RCAN1: variants seen among roughly 807,000 people sequenced by gnomAD.
RCAN1 encodes calcipressin-1.
RCAN1 carries 11 observed loss-of-function variants against 22.9 expected under a neutral mutation model. The observed-to-expected ratio is 0.48, with a 90% CI of 0.30 to 0.79. RCAN1 has a LOEUF of 0.79. Among genes scored for constraint, RCAN1 ranks in the 30% least tolerant of loss-of-function variants. The pLI is 0.06. For missense variants in RCAN1, 291 were observed against 337.8 expected, an observed-to-expected ratio of 0.86 and a Z score of 1.09; for synonymous variants, 136 against 142.3, an observed-to-expected ratio of 0.96 and a Z score of 0.32.
rs144802557 is a variant in RCAN1, at chr21:34,606,833, G to T, written c.252+7927C>A. Among the ~76,000 whole-genome samples, 7 of 152,326 alleles carry T rather than the reference G, an allele frequency of 4.6e-5. No individual in the cohort carries two copies. The East Asian group carries it at 1.4e-3, about 29-fold the overall frequency. On this transcript the variant is annotated intron_variant, in intron 1 of 3. Coordinates refer to ENST00000313806, the MANE Select transcript of RCAN1 (RefSeq NM_004414.7). ...CAGAGGAGAGGCCTCACCAGAAAGAGACCATGCTGGGACCTCGACCTCAGA... is the reference window on the plus strand; with the variant it reads ...CAGAGGAGAGGCCTCACCAGAAAGATACCATGCTGGGACCTCGACCTCAGA...
chr21:34,557,489 T>G (rs1332625037), intron 1 of RCAN1, among the ~76,000 whole-genome samples: 11 of 152,198 alleles, frequency 7.2e-5, no homozygotes, highest in Non-Finnish European at 1.5e-4. Flanking sequence ...AAGGGAAGGC[T>G]AGAAAGACAG....
At chr21:34,610,847 T>C (rs1988668216) in intron 1 of RCAN1, among the ~76,000 whole-genome samples, 1 of 152,200 alleles carries the variant, frequency 6.6e-6, no homozygotes, top group South Asian at 2.1e-4. Flanking sequence ...GAATATTTTG[T>C]TATTAAAAGA....
Position 34,614,818 on chromosome 21 carries a change from G to A in RCAN1, c.194C>T (p.Pro65Leu). Residue 65 changes from proline to leucine, a missense_variant, in exon 1 of 4, where the codon CCC becomes CTC. Transcript: ENST00000313806. This position sits in a 1 kb window ranked among gnomAD's most constrained non-coding sequence, Gnocchi z 6.0. ...CAGGTGACAGGCGATGGTGGCGCTG[G>A]GCAGGTCCTGCAGGTCCACCTCCTC... ...EMEEVDLQDL[P>L]SATIACHLDP... is the part of the protein sequence containing the mutation. 6.7e-7 allele frequency: 1 copy of A among 1,490,952 alleles called. No homozygotes were observed. 92.4% of individuals were successfully genotyped at this position (1,490,952 alleles called of 1,614,324 possible). A position where few individuals can be genotyped will look rare whatever the true frequency, so the allele number is the denominator to read the frequency against.
intron 1 of RCAN1, chr21:34,525,355 C>T (rs942640367): frequency 8.1e-6 from 12 of 1,482,200 alleles, no homozygotes; most frequent in East Asian, 5.0e-5. Flanking sequence ...GACTTTCCCA[C>T]GAGGGATCCC....
chr21:34,581,467 C>A (rs977896723), intron 1 of RCAN1, among the ~76,000 whole-genome samples: 1 of 152,138 alleles, frequency 6.6e-6, no homozygotes. Context: ...ATTATTCATG[C>A]CCCTCTGCCC....
chr21:34,520,480 CA>C (rs1487503861), intron 3 of RCAN1, among the ~76,000 whole-genome samples: 1 of 152,180 alleles, frequency 6.6e-6, no homozygotes, highest in Non-Finnish European at 1.5e-5. Flanking sequence ...TGCTTTATCC[CA>C]CAGAGGGAAT....
intron 1 of RCAN1, among the ~76,000 whole-genome samples, chr21:34,563,768 A>AT (rs56397854): frequency 0.033 from 2,871 of 86,998 alleles, 24 homozygotes; most frequent in Non-Finnish European, 0.044. Flanking sequence ...AAAAAAAAAA[A>AT]AAATATATAT....
chr21:34,583,651 G>A (rs555290928), intron 1 of RCAN1, among the ~76,000 whole-genome samples: 32 of 152,288 alleles, frequency 2.1e-4, no homozygotes, highest in South Asian at 8.3e-4. Context: ...CAAAGCTGCC[G>A]GCACCATGAT....
intron 1 of RCAN1, among the ~76,000 whole-genome samples, chr21:34,562,611 T>C (rs1308986778): frequency 1.3e-5 from 2 of 152,188 alleles, no homozygotes; most frequent in South Asian, 2.1e-4. Flanking sequence ...CTCAGGCAAA[T>C]GCAAAAGTTA....
Position 34,521,548 on chromosome 21 carries a change from G to C in RCAN1, c.537C>G (p.Thr179=). 6.2e-7 allele frequency: 1 copy of C among 1,614,244 alleles called. No homozygotes were observed. Among genetic ancestry groups the C allele is most frequent in the Non-Finnish European group, 8.5e-7 (1 of 1,180,046 alleles). ...ATAAGAGATCATAGTTTATGACTGG[G>C]GTCGCATCTTCCACTTGTTTCCATC... ...PVGWKQVEDA[T]PVINYDLLYA... Residue 179 remains threonine, a synonymous_variant, in exon 3 of 4, where the codon ACC becomes ACG. Transcript: ENST00000313806.
At chr21:34,607,493 G>A (rs1015689410) in intron 1 of RCAN1, among the ~76,000 whole-genome samples, 13 of 151,932 alleles carry the variant, frequency 8.6e-5, no homozygotes, top group Non-Finnish European at 1.5e-4. Context: ...GGGTTCAAGC[G>A]ATTCTCATGC....
At chr21:34,554,454 G>A (rs1160968224) in intron 1 of RCAN1, among the ~76,000 whole-genome samples, 1 of 152,198 alleles carries the variant, frequency 6.6e-6, no homozygotes, top group Non-Finnish European at 1.5e-5. Flanking sequence ...AAACCACCAG[G>A]TGAGAGGCGG....
At chr21:34,604,275 C>G (rs569645815) in intron 1 of RCAN1, among the ~76,000 whole-genome samples, 1 of 152,078 alleles carries the variant, frequency 6.6e-6, no homozygotes, top group Non-Finnish European at 1.5e-5. Flanking sequence ...GGATTACAGG[C>G]GCCCACCACT....
At chr21:34,599,104 C>T (rs1014718192) in intron 1 of RCAN1, among the ~76,000 whole-genome samples, 13 of 152,084 alleles carry the variant, frequency 8.5e-5, no homozygotes, top group African/African-American at 1.9e-4. Context: ...TCTATTAAAA[C>T]GTAAAGTAAC....
At chr21:34,592,201 C>T (rs772689090) in intron 1 of RCAN1, among the ~76,000 whole-genome samples, 1 of 152,194 alleles carries the variant, frequency 6.6e-6, no homozygotes, top group East Asian at 1.9e-4. Flanking sequence ...TGGAAAGGAA[C>T]GGGCAGCGCT....
In RCAN1 at chr21:34,517,848, G is replaced by A. The variant is rs987064378; in HGVS notation, c.*236C>T. 2.3e-5 allele frequency: 13 copies of A among 560,838 alleles called. No individual in the cohort carries two copies. Among genetic ancestry groups the A allele is most frequent in the Non-Finnish European group, 3.5e-5 (11 of 314,232 alleles). 34.7% of individuals were successfully genotyped at this position (560,838 alleles called of 1,614,324 possible). ...AAGACAGTCCCAAATGTCCTTGTGC[G>A]ATCACCACAAACTCAGTGATTGGCC... On this transcript the variant is annotated 3_prime_UTR_variant, in exon 4 of 4. Coordinates refer to ENST00000313806, the MANE Select transcript of RCAN1 (RefSeq NM_004414.7).
At chr21:34,577,214 G>A (rs188337512) in intron 1 of RCAN1, among the ~76,000 whole-genome samples, 4 of 152,328 alleles carry the variant, frequency 2.6e-5, no homozygotes, top group African/African-American at 9.6e-5. Context: ...ACAAAGTAAG[G>A]ATTTTGAACA....
Position 34,517,941 on chromosome 21 carries a change from A to G in RCAN1, c.*143T>C. ...ATTAGAACAAGGGGACACGGCCTTG[A>G]TTCTCTTCTGAGCAACATGAACTGG... On this transcript the variant is annotated 3_prime_UTR_variant, in exon 4 of 4. Transcript: ENST00000313806. The G allele has an allele frequency of 1.0e-6, 1 of 981,310 alleles. No individual in the cohort carries two copies. The highest frequency in any genetic ancestry group is 1.5e-6 in the Non-Finnish European group (1 of 650,508). 60.8% of individuals were successfully genotyped at this position (981,310 alleles called of 1,614,324 possible).
At chr21:34,576,489 C>G (rs550971495) in intron 1 of RCAN1, among the ~76,000 whole-genome samples, 10 of 152,280 alleles carry the variant, frequency 6.6e-5, no homozygotes, top group African/African-American at 2.4e-4. Context: ...ACGTTCCAGG[C>G]TTGATGGTAT....
Sources: allele counts gnomAD v4.1 joint callset (sites outside exome capture counted in the v4.1 genomes callset), GRCh38; gene constraint gnomAD v4.1.1; non-coding constraint Gnocchi (gnomAD v3.1); transcripts MANE v1.5; gene names NCBI Gene and HGNC (gene_info 2026-07-23, HGNC 2026-07-21).